Variants in CDC42BPA observed in about 807,000 individuals in gnomAD.
The protein encoded by CDC42BPA is CDC42 binding protein kinase alpha.
In CDC42BPA, 80 loss-of-function variants were observed where a neutral mutation model predicts 223.5. The observed-to-expected ratio is 0.36, with a 90% CI of 0.30 to 0.43. The LOEUF is 0.43. Ranked by LOEUF, CDC42BPA falls within the 20% of genes least tolerant of loss-of-function variation. CDC42BPA has a pLI of 1.00. For missense variants in CDC42BPA, 1,743 were observed against 2,099.9 expected (o/e 0.83, Z 3.32); for synonymous variants, 694 against 718.6 (o/e 0.97, Z 0.55).
intron 15 of CDC42BPA, among the ~76,000 whole-genome samples, chr1:227,093,898 T>C (rs943402487): frequency 6.6e-6 from 1 of 152,208 alleles, no homozygotes; most frequent in Non-Finnish European, 1.5e-5. Flanking sequence ...CCTCTGCAGG[T>C]AGAAGCAATC....
intron 5 of CDC42BPA, among the ~76,000 whole-genome samples, chr1:227,177,074 C>T (rs1005070050): frequency 2.5e-5 from 1 of 40,614 alleles, no homozygotes; most frequent in African/African-American, 1.3e-4. Flanking sequence ...TGTATTCATT[C>T]AATATCCCAA....
At chr1:227,278,966 A>C in intron 1 of CDC42BPA, among the ~76,000 whole-genome samples, 1 of 151,758 alleles carries the variant, frequency 6.6e-6, no homozygotes, top group East Asian at 1.9e-4. Flanking sequence ...AAAACCAATA[A>C]CATCACCATT....
chr1:227,306,989 T>C (rs1346396396), intron 1 of CDC42BPA, among the ~76,000 whole-genome samples: 1 of 152,210 alleles, frequency 6.6e-6, no homozygotes, highest in Non-Finnish European at 1.5e-5. Flanking sequence ...TACAAAACTT[T>C]CATAAAATCT....
At chr1:227,079,751 C>T (rs1680239853) in intron 17 of CDC42BPA, among the ~76,000 whole-genome samples, 1 of 151,780 alleles carries the variant, frequency 6.6e-6, no homozygotes, top group African/African-American at 2.4e-5. Context: ...AATATGCATA[C>T]AGGAATTAAA....
At chr1:227,060,827 T>C (rs1036073922) in intron 21 of CDC42BPA, among the ~76,000 whole-genome samples, 1 of 150,190 alleles carries the variant, frequency 6.7e-6, no homozygotes, top group East Asian at 2.0e-4. Flanking sequence ...GTTCAAGTGA[T>C]TCTCCTCCCT....
intron 1 of CDC42BPA, among the ~76,000 whole-genome samples, chr1:227,306,138 GT>G (rs56027762): frequency 0.027 from 3,626 of 135,604 alleles, 50 homozygotes; most frequent in African/African-American, 0.049. Flanking sequence ...GTTCTAAGTG[GT>G]TTTTTTTTTT....
intron 10 of CDC42BPA, among the ~76,000 whole-genome samples, chr1:227,137,242 G>A (rs887313686): frequency 4.6e-5 from 7 of 152,046 alleles, no homozygotes; most frequent in Admixed American, 6.5e-5. Context: ...ATATCCAAAT[G>A]GATAGTAAAT....
rs149140186 is a variant in CDC42BPA, at chr1:227,146,960, T to C, written c.894+399A>G. On this transcript the variant is annotated intron_variant, in intron 7 of 36. Coordinates refer to ENST00000366766, the MANE Select transcript of CDC42BPA (RefSeq NM_001394014.1). ...CAGAGTACTATTTTTCTTTTGATCT[T>C]TGCTAATTTGACAAGAAAAAAAAGT... Among the ~76,000 whole-genome samples, 564 of 152,286 alleles carry C rather than the reference T, an allele frequency of 3.7e-3. 3 individuals are homozygous for C. The highest frequency in any genetic ancestry group is 0.013 in the African/African-American group (545 of 41,572).
In CDC42BPA at chr1:227,074,337, C is replaced by G; in HGVS notation, c.2508G>C (p.Gly836=). 6.2e-7 allele frequency: 1 copy of G among 1,613,400 alleles called. No homozygotes were observed. The highest frequency in any genetic ancestry group is 2.2e-5 in the East Asian group (1 of 44,850). ...QWVSDEKDAR[G]YLQALASKMT... ...TTTTAGAAGCTAAGGCCTGAAGATA[C>G]CCTCGTGCATCCTTTTCATCGCTGA... is the stretch of plus-strand genomic sequence containing the variant. The change falls in exon 18 of 37, where the codon GGG becomes GGC. Residue 836 remains glycine, a synonymous_variant. Coordinates refer to ENST00000366766, the MANE Select transcript of CDC42BPA (RefSeq NM_001394014.1).
intron 5 of CDC42BPA, among the ~76,000 whole-genome samples, chr1:227,181,253 A>G (rs1338846334): frequency 6.6e-6 from 1 of 152,230 alleles, no homozygotes; most frequent in African/African-American, 2.4e-5. Context: ...ATAGTATTTC[A>G]ATTAACACAG....
At chr1:227,226,851 T>C (rs954601833) in intron 2 of CDC42BPA, among the ~76,000 whole-genome samples, 5 of 152,288 alleles carry the variant, frequency 3.3e-5, no homozygotes, top group African/African-American at 1.2e-4. Context: ...GCTGATTAGA[T>C]ATTTTAAAGA....
chr1:227,089,302 C>T (rs1682596792), intron 16 of CDC42BPA, among the ~76,000 whole-genome samples: 1 of 152,154 alleles, frequency 6.6e-6, no homozygotes, highest in Non-Finnish European at 1.5e-5. Context: ...GGAAACTACC[C>T]ACTTCTAACC....
chr1:227,134,308 T>G (rs982959346), intron 10 of CDC42BPA, among the ~76,000 whole-genome samples: 4 of 152,222 alleles, frequency 2.6e-5, no homozygotes, highest in African/African-American at 4.8e-5. Flanking sequence ...TCCTACTGTA[T>G]GATTTTACCC....
In CDC42BPA at chr1:227,193,791, T is replaced by A. The variant is rs1670196467; in HGVS notation, c.594A>T (p.Val198=). ...AIDSVHQLHY[V]HRDIKPDNIL... ...ACAATGAAGGACTGTTTTACCTGTG[T>A]ACATAATGTAGCTGATGAACTGAGT... The change falls in exon 5 of 37, where the codon GTA becomes GTT. Residue 198 remains valine, a synonymous_variant. Transcript: ENST00000366766. 2 of 1,610,882 alleles carry A rather than the reference T, an allele frequency of 1.2e-6. No individual in the cohort carries two copies. Among genetic ancestry groups the A allele is most frequent in the Non-Finnish European group, 1.7e-6 (2 of 1,178,562 alleles).
intron 5 of CDC42BPA, among the ~76,000 whole-genome samples, chr1:227,175,056 T>C (rs1207607830): frequency 6.6e-6 from 1 of 152,226 alleles, no homozygotes; most frequent in African/African-American, 2.4e-5. Context: ...GCATTCTTAT[T>C]TCTAATTATC....
intron 35 of CDC42BPA, among the ~76,000 whole-genome samples, chr1:227,000,195 T>C (rs11587443): frequency 0.38 from 57,890 of 151,558 alleles, 11,646 homozygotes; most frequent in Non-Finnish European, 0.46. Context: ...ACCTCACTCC[T>C]CAGGAGACAC....
Position 227,251,843 on chromosome 1 carries a change from T to C in CDC42BPA, c.270+2221A>G, listed in dbSNP as rs968702967. 3.9e-5 allele frequency among the ~76,000 whole-genome samples: 6 copies of C among 152,112 alleles called. No individual in the cohort carries two copies. In the East Asian group the frequency reaches 5.8e-4, roughly 15 times the overall value. On this transcript the variant is annotated intron_variant, in intron 2 of 36. Transcript: ENST00000366766. ...CAAATTTCAAAGGATTCTAATCACA[T>C]AGAGTATGCGTTCTAACCACTTTTA...
chr1:227,083,381 A>C (rs1048638234), intron 16 of CDC42BPA, among the ~76,000 whole-genome samples: 3 of 152,066 alleles, frequency 2.0e-5, no homozygotes, highest in African/African-American at 4.8e-5. Context: ...TGCTCCTGGA[A>C]ATTCTATTTG....
intron 1 of CDC42BPA, among the ~76,000 whole-genome samples, chr1:227,303,020 TTC>T (rs1691924084): frequency 6.6e-6 from 1 of 151,828 alleles, no homozygotes; most frequent in Admixed American, 6.6e-5. Flanking sequence ...TTTTTTTTTT[TTC>T]GAAGTTATGC....
Sources: allele counts gnomAD v4.1 joint callset (sites outside exome capture counted in the v4.1 genomes callset), GRCh38; gene constraint gnomAD v4.1.1; transcripts MANE v1.5; gene names NCBI Gene and HGNC (gene_info 2026-07-23, HGNC 2026-07-21).